AMZ1: variants seen among roughly 807,000 people sequenced by gnomAD.
AMZ1 encodes the protein archaelysin family metallopeptidase 1.
Under a neutral mutation model 29.9 loss-of-function variants are expected in AMZ1, and 39 were observed. The observed-to-expected ratio is 1.30, with a 90% CI of 1.01 to 1.70. AMZ1 has a LOEUF of 1.70. AMZ1 is among the 40% of genes most tolerant of loss of function. The pLI is 0.00. For synonymous variants in AMZ1, 458 were observed against 304.0 expected (o/e 1.51, Z -5.27); for missense variants, 1,041 against 680.6 (o/e 1.53, Z -5.89).
chr7:2,739,737 G>A (rs530723944), intron 4 of AMZ1, among the ~76,000 whole-genome samples: 1 of 152,200 alleles, frequency 6.6e-6, no homozygotes, highest in African/African-American at 2.4e-5. Flanking sequence ...GTAGTGGTGC[G>A]ATCTTGGCTC....
chr7:2,720,341 T>C (rs934283345), downstream of AMZ1, among the ~76,000 whole-genome samples: 1 of 152,198 alleles, frequency 6.6e-6, no homozygotes, highest in African/African-American at 2.4e-5. Context: ...GTGAACACTT[T>C]TTATGCGCTG....
chr7:2,712,862 A>C lies in AMZ1; in HGVS notation c.1481A>C (p.Asp494Ala), dbSNP rs1788889968. Residue 494 changes from aspartate (D) to alanine (A), a missense_variant, in exon 7 of 7, where the codon GAT becomes GCT. By Grantham distance (126) the Asp-to-Ala change is moderately radical. Coordinates refer to ENST00000683327, the MANE Select transcript of AMZ1 (RefSeq NM_001384743.1). ...ARAESAPRPW[D>A]GEES ...GCAGAGTCGGCCCCCCGTCCCTGGG[A>C]TGGGGAAGAGAGTTAGTACAGCAGG... 2.0e-6 allele frequency: 3 copies of C among 1,523,632 alleles called. No homozygotes were observed. The highest frequency in any genetic ancestry group is 2.6e-5 in the South Asian group (2 of 76,596). The allele number at this position is 1,523,632 out of a possible 1,614,324, so 94.4% of individuals were successfully genotyped here.
At position 2,712,783 on chromosome 7, in the gene AMZ1, G is replaced by C. The variant is rs373301330; in HGVS notation, c.1402G>C (p.Gly468Arg). 1.3e-6 allele frequency: 2 copies of C among 1,575,022 alleles called. No homozygotes were observed. Among genetic ancestry groups the C allele is most frequent in the Non-Finnish European group, 1.7e-6 (2 of 1,158,320 alleles). The stretch of plus-strand genomic sequence containing the variant: ...CAGCGTGGGGCTGCGCAAGGTGCTG[G>C]GGGACAAGTTCTCCTCCCTGAGGAG... ...RDSVGLRKVL[G>R]DKFSSLRRKL... The change falls in exon 7 of 7, where the codon GGG (glycine) becomes CGG (arginine). Residue 468 changes from glycine to arginine, a missense_variant. Physicochemically the swap from Gly to Arg is moderately radical, Grantham distance 125. Transcript: ENST00000683327.
upstream of AMZ1, chr7:2,763,225 CA>C: frequency 2.4e-6 from 1 of 424,118 alleles, no homozygotes; most frequent in Non-Finnish European, 3.4e-6. Flanking sequence ...CACACACACA[CA>C]CACACGGTCT....
rs115971153 is a variant in AMZ1, at chr7:2,705,846, C to T, written c.473-2742C>T. Among the ~76,000 whole-genome samples, 1,403 of 152,336 alleles carry T rather than the reference C, an allele frequency of 9.2e-3. 14 individuals are homozygous for T. The highest frequency in any genetic ancestry group is 0.032 in the African/African-American group (1,331 of 41,574). On this transcript the variant is annotated intron_variant, in intron 3 of 6. Transcript: ENST00000683327. The stretch of plus-strand genomic sequence containing the variant: ...CTTGGCCCTGGCCCTAAAACACAGC[C>T]GGGGACCCCGTGCCTCTCAGGCTTG...
rs936741594 is a variant in AMZ1, at chr7:2,715,324, G to A, written c.*2446G>A. 6.6e-6 allele frequency: 1 copy of A among 152,390 alleles called. No homozygotes were observed. The highest frequency in any genetic ancestry group is 2.4e-5 in the African/African-American group (1 of 41,464). 9.4% of individuals were successfully genotyped at this position (152,390 alleles called of 1,614,324 possible). Reference sequence around the variant, plus strand: ...CAGCCCCACTCGGCGTTCACTGTGGGGATTTGGCTGGTGCACCTGCGAGGT... The same window carrying A: ...CAGCCCCACTCGGCGTTCACTGTGGAGATTTGGCTGGTGCACCTGCGAGGT... On this transcript the variant is annotated 3_prime_UTR_variant, in exon 7 of 7. Coordinates refer to ENST00000683327, the MANE Select transcript of AMZ1 (RefSeq NM_001384743.1).
rs1196037864 is a variant in AMZ1, at chr7:2,719,050, C to T, written c.*6172C>T. On this transcript the variant is annotated 3_prime_UTR_variant, in exon 7 of 7. Coordinates refer to ENST00000683327, the MANE Select transcript of AMZ1 (RefSeq NM_001384743.1). The stretch of plus-strand genomic sequence containing the variant: ...CCCCCCCATCTGAAGTGAGATCAAA[C>T]TTCTACCACATTCTACCTGTGCCCT... Among the ~76,000 whole-genome samples the T allele has an allele frequency of 6.8e-6, 1 of 146,982 alleles. No individual in the cohort carries two copies. Among genetic ancestry groups the T allele is most frequent in the Non-Finnish European group, 1.5e-5 (1 of 67,336 alleles).
At chr7:2,740,432 G>A (rs573419177) in intron 4 of AMZ1, among the ~76,000 whole-genome samples, 9 of 152,144 alleles carry the variant, frequency 5.9e-5, no homozygotes, top group African/African-American at 1.4e-4. Flanking sequence ...GAAGCTGGCC[G>A]TCTGCAAGCG....
chr7:2,700,708 A>C lies in AMZ1; in HGVS notation c.257A>C (p.His86Pro). ...CAGACCTTCCACGCCTCCCTGCAGC[A>C]CCGGAAGCCCCGCCTGGCTCGGAAG... The part of the protein sequence containing the change: ...DFQTFHASLQ[H>P]RKPRLARKHI... The change falls in exon 2 of 7, where the codon CAC becomes CCC. Residue 86 changes from histidine to proline, a missense_variant. His to Pro is a moderately conservative substitution (Grantham distance 77, BLOSUM62 -2). Coordinates refer to ENST00000683327, the MANE Select transcript of AMZ1 (RefSeq NM_001384743.1). 1 of 1,613,112 alleles carries C rather than the reference A, an allele frequency of 6.2e-7. No homozygotes were observed. Among genetic ancestry groups the C allele is most frequent in the South Asian group, 1.1e-5 (1 of 91,070 alleles).
At chr7:2,758,011 G>A (rs901495189) in intron 4 of AMZ1, among the ~76,000 whole-genome samples, 1 of 152,146 alleles carries the variant, frequency 6.6e-6, no homozygotes, top group Non-Finnish European at 1.5e-5. Flanking sequence ...AAGCTCTACA[G>A]ACCTAATAAA....
At chr7:2,759,680 C>T (rs576971091), upstream of AMZ1, among the ~76,000 whole-genome samples, 1 of 152,246 alleles carries the variant, frequency 6.6e-6, no homozygotes, top group East Asian at 1.9e-4. Flanking sequence ...CCTATTTTTT[C>T]AGACCCTCTT....
At chr7:2,692,648 G>A (rs989850463) in intron 1 of AMZ1, among the ~76,000 whole-genome samples, 4 of 152,126 alleles carry the variant, frequency 2.6e-5, no homozygotes, top group African/African-American at 7.2e-5. Context: ...CCGTAGCGAG[G>A]TCCCCAGGAG....
chr7:2,692,495 T>C (rs1436925290), intron 1 of AMZ1, among the ~76,000 whole-genome samples: 4 of 152,252 alleles, frequency 2.6e-5, no homozygotes, highest in East Asian at 3.9e-4. Flanking sequence ...TGAGCCGAGA[T>C]TGTGCCACTG....
intron 4 of AMZ1, 144 bp downstream of exon 4, chr7:2,708,860 CT>C: frequency 2.9e-6 from 4 of 1,370,272 alleles, no homozygotes; most frequent in Non-Finnish European, 4.0e-6. Flanking sequence ...TAGATGGCCC[CT>C]TCCAGCTCCT....
At chr7:2,696,491 T>TCA (rs1306194349) in intron 1 of AMZ1, among the ~76,000 whole-genome samples, 2 of 150,084 alleles carry the variant, frequency 1.3e-5, no homozygotes, top group South Asian at 2.2e-4. Context: ...TCTCCTGACC[T>TCA]CGTGATCTGC....
Position 2,717,777 on chromosome 7 carries a change from C to T in AMZ1, c.*4899C>T, listed in dbSNP as rs1297154107. Among the ~76,000 whole-genome samples, 1 of 152,148 alleles carries T rather than the reference C, an allele frequency of 6.6e-6. No individual in the cohort carries two copies. The highest frequency in any genetic ancestry group is 2.4e-5 in the African/African-American group (1 of 41,404). ...CAGCAGCACCTTGATGAATGAGAAC[C>T]CGGAAGAATGGAGGTTTATTTTTGA... On this transcript the variant is annotated 3_prime_UTR_variant, in exon 7 of 7. Coordinates refer to ENST00000683327, the MANE Select transcript of AMZ1 (RefSeq NM_001384743.1).
rs367579091 is a variant in AMZ1 at position 2,708,672 on chromosome 7, A to C, written c.557A>C (p.His186Pro). Reference protein sequence around the residue: ...LGLTLSDLYPHEAWSFTFSKF... With the variant: ...LGLTLSDLYPPEAWSFTFSKF... ...CTCACACTGTCTGACCTGTACCCCCATGAGGCCTGGAGCTTCACCTTCAGC... is the reference window on the plus strand; with the variant it reads ...CTCACACTGTCTGACCTGTACCCCCCTGAGGCCTGGAGCTTCACCTTCAGC... The change falls in exon 4 of 7, where the codon CAT becomes CCT. Residue 186 changes from histidine to proline, a missense_variant. By Grantham distance (77) the His-to-Pro change is moderately conservative. Coordinates refer to ENST00000683327, the MANE Select transcript of AMZ1 (RefSeq NM_001384743.1). 2.4e-5 allele frequency: 38 copies of C among 1,613,066 alleles called. No individual in the cohort carries two copies. Among genetic ancestry groups the C allele is most frequent in the Non-Finnish European group, 3.1e-5 (36 of 1,179,998 alleles).
chr7:2,724,082 T>C (rs1789529591), downstream of AMZ1, among the ~76,000 whole-genome samples: 1 of 151,676 alleles, frequency 6.6e-6, no homozygotes, highest in African/African-American at 2.4e-5. Flanking sequence ...ATTTTTTGTA[T>C]TTTTAGTAGA....
At chr7:2,697,463 C>G (rs1787811269) in intron 1 of AMZ1, among the ~76,000 whole-genome samples, 1 of 151,890 alleles carries the variant, frequency 6.6e-6, no homozygotes, top group Non-Finnish European at 1.5e-5. Flanking sequence ...TCACTCCCTC[C>G]TCCAGGCTGG....
Sources: gnomAD v4.1 joint callset for allele counts (sites outside exome capture counted in the v4.1 genomes callset) on GRCh38, gnomAD v4.1.1 for gene constraint, MANE v1.5 for transcripts, NCBI Gene and HGNC (gene_info 2026-07-23, HGNC 2026-07-21) for gene names.